PACRGL: variants seen among roughly 807,000 people sequenced by gnomAD.
PACRGL encodes parkin coregulated like, also known as PACRG-like protein.
A neutral mutation model predicts 34.5 loss-of-function variants in PACRGL; 38 were observed. That is an observed-to-expected ratio of 1.10 (90% CI 0.85 to 1.44). PACRGL has a LOEUF of 1.44. PACRGL is among the 40% of genes most tolerant of loss of function. The pLI, the probability that PACRGL is intolerant of heterozygous loss-of-function variation, is 0.00. For missense variants in PACRGL, 305 were observed against 281.4 expected (o/e 1.08, Z -0.60); for synonymous variants, 128 against 100.1 (o/e 1.28, Z -1.66).
In PACRGL at chr4:20,731,934, T is replaced by C. The variant is rs1413297869; in HGVS notation, c.*4593T>C. 3 of 1,593,566 alleles carry C rather than the reference T, an allele frequency of 1.9e-6. No homozygotes were observed. Among genetic ancestry groups the C allele is most frequent in the Non-Finnish European group, 2.6e-6 (3 of 1,169,900 alleles). ...TCTCTATATTTCGCCCAGTTCATGG[T>C]AGCTAGCTGCTAATACTCAGTTTAG... On this transcript the variant is annotated 3_prime_UTR_variant, in exon 9 of 9. Transcript: ENST00000503585.
At chr4:20,758,974 A>G in the PACRGL span, 1 of 1,032,220 alleles carries the variant, frequency 9.7e-7, no homozygotes, top group Non-Finnish European at 1.5e-6. Context: ...AGAACTGTCT[A>G]CCATGCAAAG....
chr4:20,757,422 A>T (rs1754572289), downstream of PACRGL, among the ~76,000 whole-genome samples: 1 of 152,162 alleles, frequency 6.6e-6, no homozygotes, highest in South Asian at 2.1e-4. Flanking sequence ...ACTGTAAAAG[A>T]TCCCACTTAA....
rs774191605 is a variant in PACRGL at position 20,704,451 on chromosome 4, T to TTTTTTAAACTGC, written c.-16-14_-16-3dup. On this transcript the variant is annotated splice_polypyrimidine_tract_variant and intron_variant, in intron 1 of 8. Transcript: ENST00000503585. The stretch of plus-strand genomic sequence containing the variant: ...AACAAATTTTGAAATCAACTTTTTT[T>TTTTTTAAACTGC]TTTTTAAACTGCAGGAGTGAAAGGG... 1 of 1,605,668 alleles carries TTTTTTAAACTGC rather than the reference T, an allele frequency of 6.2e-7. No individual in the cohort carries two copies. The highest frequency in any genetic ancestry group is 8.5e-7 in the Non-Finnish European group (1 of 1,177,742).
At chr4:20,752,529 C>T (rs1341341724) in intron 8 of PACRGL, 1 of 152,182 alleles carries the variant, frequency 6.6e-6, no homozygotes, top group Non-Finnish European at 1.5e-5. Flanking sequence ...ACAAACGTAA[C>T]ATCTTTTCAC....
chr4:20,729,479 T>TAAATGTTTAA lies in PACRGL; in HGVS notation c.*2139_*2148dup, dbSNP rs1747258323. On this transcript the variant is annotated 3_prime_UTR_variant, in exon 9 of 9. Coordinates refer to ENST00000503585, the MANE Select transcript of PACRGL (RefSeq NM_001258345.3). The stretch of plus-strand genomic sequence containing the variant: ...TGATATCTGATAATAAACTAATTTT[T>TAAATGTTTAA]AAATGTTTAATAATTTTTAAATGTT... The TAAATGTTTAA allele has an allele frequency of 8.4e-6, 1 of 118,400 alleles. No individual in the cohort carries two copies. Among genetic ancestry groups the TAAATGTTTAA allele is most frequent in the Admixed American group, 8.0e-5 (1 of 12,520 alleles). The allele number at this position is 118,400 out of a possible 1,614,324, so 7.3% of individuals were successfully genotyped here.
intron 6 of PACRGL, 38 bp from the exon 7 acceptor site, chr4:20,713,394 C>T (rs1277052676): frequency 1.3e-6 from 2 of 1,492,490 alleles, no homozygotes; most frequent in Admixed American, 1.7e-5. Context: ...CCTCTCTTCC[C>T]TGATGTCCAT....
In PACRGL at chr4:20,727,382, G is replaced by T. The variant is rs769031129; in HGVS notation, c.*41G>T. On this transcript the variant is annotated 3_prime_UTR_variant, in exon 9 of 9. Transcript: ENST00000503585. ...AAAATTGTTTTTTCTACCTGTTGAC[G>T]TGTCAAGCACTAACTGTGGGTACTC... 1 of 1,497,370 alleles carries T rather than the reference G, an allele frequency of 6.7e-7. No homozygotes were observed. The highest frequency in any genetic ancestry group is 1.1e-5 in the South Asian group (1 of 88,482). 92.8% of individuals were successfully genotyped at this position (1,497,370 alleles called of 1,614,324 possible).
chr4:20,702,858 G>C (rs1366367087), intron 1 of PACRGL: 1 of 152,200 alleles, frequency 6.6e-6, no homozygotes, highest in African/African-American at 2.4e-5. Context: ...GGTGAAGTGT[G>C]ATACTGGGAA....
At chr4:20,698,043 G>C (rs911906534), upstream of PACRGL, among the ~76,000 whole-genome samples, 18 of 152,100 alleles carry the variant, frequency 1.2e-4, no homozygotes, top group African/African-American at 4.3e-4. Context: ...AACCCCCTAA[G>C]GATAGGAGCA....
intron 8 of PACRGL, 58 bp from the exon 9 acceptor site, chr4:20,727,226 AT>A (rs1426506235): frequency 1.4e-6 from 2 of 1,417,608 alleles, no homozygotes; most frequent in African/African-American, 2.8e-5. Context: ...TGCAAATATA[AT>A]ACCTATTAGG....
chr4:20,748,607 C>A lies in PACRGL; in HGVS notation c.*57-3958C>A, dbSNP rs182087761. Among the ~76,000 whole-genome samples the A allele has an allele frequency of 4.8e-3, 487 of 101,440 alleles. 16 individuals are homozygous for A. In the East Asian group the frequency reaches 0.082, roughly 17 times the overall value. 66.5% of individuals were successfully genotyped at this position (101,440 alleles called of 152,430 possible). On this transcript the variant is annotated intron_variant, in intron 8 of 8. Coordinates refer to the PACRGL transcript ENST00000507634. ...ATATATATATATATATATATATATT[C>A]CATAAGTAAATATAAATGTATATAT...
At chr4:20,758,942 T>A in the PACRGL span, 17 of 1,434,140 alleles carry the variant, frequency 1.2e-5, no homozygotes, top group Non-Finnish European at 1.7e-5. Flanking sequence ...TAAAACTGAA[T>A]TTTTTTTGCA....
downstream of PACRGL, chr4:20,732,753 A>G (rs765280608): frequency 1.9e-6 from 3 of 1,611,598 alleles, no homozygotes; most frequent in Admixed American, 1.7e-5. Context: ...TACCCATCAT[A>G]TCGTATATTG....
chr4:20,764,855 A>AAAATT, the PACRGL span, among the ~76,000 whole-genome samples: 1 of 151,922 alleles, frequency 6.6e-6, no homozygotes, highest in African/African-American at 2.4e-5. Context: ...GGTCGCTGTG[A>AAAATT]TGGCACTCAG....
At chr4:20,713,252 A>T in intron 6 of PACRGL, 180 bp from the exon 7 acceptor site, 1 of 585,430 alleles carries the variant, frequency 1.7e-6, no homozygotes, top group Non-Finnish European at 2.9e-6. Context: ...TTTTGCTTCT[A>T]GATGTCCTGT....
At chr4:20,717,690 A>G (rs554580114) in intron 7 of PACRGL, among the ~76,000 whole-genome samples, 2 of 152,124 alleles carry the variant, frequency 1.3e-5, no homozygotes, top group South Asian at 4.2e-4. Flanking sequence ...TCCATTGGTC[A>G]ATATCTCTGT....
At chr4:20,707,073 A>G (rs957248536) in intron 3 of PACRGL, among the ~76,000 whole-genome samples, 4 of 152,190 alleles carry the variant, frequency 2.6e-5, no homozygotes, top group Middle Eastern at 3.2e-3. Context: ...TGTAATTTAG[A>G]CAACTATTTT....
chr4:20,741,993 C>A (rs183017410), intron 8 of PACRGL, among the ~76,000 whole-genome samples: 9 of 152,298 alleles, frequency 5.9e-5, no homozygotes, highest in African/African-American at 1.7e-4. Flanking sequence ...TTCCTGGACA[C>A]ATACACCCTC....
At chr4:20,755,127 G>C (rs1754278525), downstream of PACRGL, among the ~76,000 whole-genome samples, 1 of 152,118 alleles carries the variant, frequency 6.6e-6, no homozygotes, top group South Asian at 2.1e-4. Context: ...CCTCCCCTCT[G>C]CACTGTAGTA....
Sources: gnomAD v4.1 joint callset for allele counts (sites outside exome capture counted in the v4.1 genomes callset) on GRCh38, gnomAD v4.1.1 for gene constraint, MANE v1.5 for transcripts, NCBI Gene and HGNC (gene_info 2026-07-23, HGNC 2026-07-21) for gene names.